WDR43: variants seen among roughly 807,000 people sequenced by gnomAD.
The protein encoded by WDR43 is WD repeat-containing protein 43.
In WDR43, 13 loss-of-function variants were observed where a neutral mutation model predicts 91.4. The ratio of observed to expected loss-of-function variants is 0.14; its 90% CI spans 0.09 to 0.23. The LOEUF (loss-of-function observed/expected upper bound fraction) is 0.23. WDR43 is among the 10% of genes least tolerant of loss of function. WDR43 has a pLI of 1.00. For synonymous variants in WDR43, 331 were observed against 287.9 expected, an observed-to-expected ratio of 1.15 and a Z score of -1.51; for missense variants, 780 against 809.4, an observed-to-expected ratio of 0.96 and a Z score of 0.44.
intron 4 of WDR43, 46 bp from the exon 5 acceptor site, chr2:28,914,023 C>G: frequency 6.2e-7 from 1 of 1,602,002 alleles, no homozygotes; most frequent in Non-Finnish European, 8.5e-7. Flanking sequence ...TAATTTTTGT[C>G]CCTGCTTTGA....
chr2:28,942,202 G>A, intron 15 of WDR43, 110 bp from the exon 16 acceptor site: 1 of 981,010 alleles, frequency 1.0e-6, no homozygotes, highest in Non-Finnish European at 1.6e-6. Context: ...CATTATGGTG[G>A]TGGAGGGTGA....
rs775604726 is a variant in WDR43, at chr2:28,913,677, GC to G, written c.607-390del. ...ACGGAATATTTGGTGCTGTGATGAT[GC>G]CTTAATATTGTGGTTTCGACTCACT... is the stretch of plus-strand genomic sequence containing the variant. On this transcript the variant is annotated intron_variant, in intron 4 of 17. Transcript: ENST00000407426. The G allele has an allele frequency of 1.9e-5, 10 of 522,244 alleles. No homozygotes were observed. The East Asian group carries it at 5.4e-4, about 28-fold the overall frequency. The allele number at this position is 522,244 out of a possible 1,614,324, so 32.4% of individuals were successfully genotyped here. A position where few individuals can be genotyped will look rare whatever the true frequency, so the allele number is the denominator to read the frequency against.
chr2:28,895,031 G>A, intron 1 of WDR43, 108 bp downstream of exon 1: 1 of 1,172,846 alleles, frequency 8.5e-7, no homozygotes, highest in Middle Eastern at 3.1e-4. Flanking sequence ...CAGCGGCCCG[G>A]GCCAGAAGGC....
chr2:28,924,612 A>T (rs1015574188), intron 7 of WDR43, among the ~76,000 whole-genome samples: 2 of 151,964 alleles, frequency 1.3e-5, no homozygotes, highest in African/African-American at 4.8e-5. Flanking sequence ...AGGCTTGCTG[A>T]GGCTTTTGGG....
chr2:28,912,460 G>A (rs1475789247), intron 3 of WDR43, 130 bp from the exon 4 acceptor site: 1 of 1,108,084 alleles, frequency 9.0e-7, no homozygotes, highest in African/African-American at 1.6e-5. Flanking sequence ...AAGCTTTTAG[G>A]GAATGTAATT....
chr2:28,925,194 C>G, intron 8 of WDR43, 41 bp downstream of exon 8: 1 of 1,535,236 alleles, frequency 6.5e-7, no homozygotes, highest in Non-Finnish European at 8.8e-7. Flanking sequence ...TATAGCATCC[C>G]TGTGTCCATG....
chr2:28,916,388 T>C (rs2148186492), intron 5 of WDR43, among the ~76,000 whole-genome samples: 1 of 152,272 alleles, frequency 6.6e-6, no homozygotes, highest in East Asian at 1.9e-4. Flanking sequence ...TGTATAAAAA[T>C]GAAAATTCCT....
rs1196458791 is a variant in WDR43 at position 28,947,021 on chromosome 2, A to C, written c.*242A>C. Reference sequence around the variant, plus strand: ...ACATTTTCTGCAATGTACTGACATCAGTGTCCAATATATGGTATATTTTTA... The same window carrying C: ...ACATTTTCTGCAATGTACTGACATCCGTGTCCAATATATGGTATATTTTTA... On this transcript the variant is annotated 3_prime_UTR_variant, in exon 18 of 18. Coordinates refer to ENST00000407426, the MANE Select transcript of WDR43 (RefSeq NM_015131.3). The C allele has an allele frequency of 2.7e-6, 1 of 366,252 alleles. No homozygotes were observed. The highest frequency in any genetic ancestry group is 4.9e-6 in the Non-Finnish European group (1 of 204,334). The allele number at this position is 366,252 out of a possible 1,614,324, so 22.7% of individuals were successfully genotyped here.
At chr2:28,906,701 A>T in intron 3 of WDR43, 120 bp downstream of exon 3, 2 of 1,267,516 alleles carry the variant, frequency 1.6e-6, no homozygotes, top group Non-Finnish European at 2.1e-6. Context: ...AATCAAATCG[A>T]GCATGCAAGA....
At chr2:28,909,723 A>G (rs976881326) in intron 3 of WDR43, among the ~76,000 whole-genome samples, 1 of 152,108 alleles carries the variant, frequency 6.6e-6, no homozygotes, top group African/African-American at 2.4e-5. Flanking sequence ...AAATGAAAAA[A>G]ATTAGCCAGA....
intron 14 of WDR43, among the ~76,000 whole-genome samples, chr2:28,940,358 T>C (rs1225567184): frequency 6.6e-6 from 1 of 151,752 alleles, no homozygotes; most frequent in Non-Finnish European, 1.5e-5. Flanking sequence ...GCCTCCCGAG[T>C]AGCTGGGATT....
At chr2:28,906,728 A>G (rs981560959) in intron 3 of WDR43, 147 bp downstream of exon 3, 1 of 1,045,766 alleles carries the variant, frequency 9.6e-7, no homozygotes, top group Non-Finnish European at 1.3e-6. Flanking sequence ...TACATAAAAT[A>G]CTAAAACACA....
At chr2:28,941,823 A>G (rs371968372) in intron 15 of WDR43, among the ~76,000 whole-genome samples, 2 of 152,134 alleles carry the variant, frequency 1.3e-5, no homozygotes, top group East Asian at 1.9e-4. Flanking sequence ...TTGAACTCCT[A>G]GGCTCAAGGG....
At chr2:28,940,918 A>G (rs1395101641) in intron 14 of WDR43, among the ~76,000 whole-genome samples, 1 of 152,230 alleles carries the variant, frequency 6.6e-6, no homozygotes, top group Non-Finnish European at 1.5e-5. Flanking sequence ...TCCTACTTTC[A>G]TTTTTTAAAT....
Position 28,947,535 on chromosome 2 carries a change from C to T in WDR43, c.*756C>T, listed in dbSNP as rs1489152402. ...ATCATCAGTGTATAGATTAGAAGTG[C>T]TCATTACCTGCAACTTTTAAAAAAA... On this transcript the variant is annotated 3_prime_UTR_variant, in exon 18 of 18. Transcript: ENST00000407426. 1 of 152,052 alleles carries T rather than the reference C, an allele frequency of 6.6e-6. No homozygotes were observed. Among genetic ancestry groups the T allele is most frequent in the Non-Finnish European group, 1.5e-5 (1 of 68,000 alleles). 9.4% of individuals were successfully genotyped at this position (152,052 alleles called of 1,614,324 possible). A position where few individuals can be genotyped will look rare whatever the true frequency, so the allele number is the denominator to read the frequency against.
chr2:28,896,446 A>G (rs1184973437), intron 1 of WDR43, among the ~76,000 whole-genome samples: 2 of 152,232 alleles, frequency 1.3e-5, no homozygotes, highest in East Asian at 3.8e-4. Context: ...AAGTATTATT[A>G]ATATCTGATA....
chr2:28,935,786 G>C (rs1671327508), intron 12 of WDR43, 179 bp downstream of exon 12: 1 of 396,480 alleles, frequency 2.5e-6, no homozygotes, highest in African/African-American at 2.1e-5. Flanking sequence ...TAATTCCTGG[G>C]GCAATGAAAG....
intron 3 of WDR43, among the ~76,000 whole-genome samples, chr2:28,907,798 G>A (rs1464889995): frequency 2.0e-5 from 3 of 152,036 alleles, no homozygotes; most frequent in African/African-American, 7.2e-5. Flanking sequence ...CAGCTACTCG[G>A]GAGGCTGAGG....
At chr2:28,900,042 ATT>A (rs988058596) in intron 1 of WDR43, among the ~76,000 whole-genome samples, 2 of 152,160 alleles carry the variant, frequency 1.3e-5, no homozygotes, top group African/African-American at 4.8e-5. Context: ...AATTTCTAAA[ATT>A]TCTTTGTGCT....
Sources: allele counts gnomAD v4.1 joint callset (sites outside exome capture counted in the v4.1 genomes callset), GRCh38; gene constraint gnomAD v4.1.1; transcripts MANE v1.5; gene names NCBI Gene and HGNC (gene_info 2026-07-23, HGNC 2026-07-21).